The following ERBB4 variants were observed in gnomAD, a reference collection of about 807,000 sequenced individuals.
ERBB4 encodes erb-b2 receptor tyrosine kinase 4, also known as receptor tyrosine-protein kinase erbB-4.
ERBB4 carries 42 observed loss-of-function variants against 158.0 expected under a neutral mutation model. The ratio of observed to expected loss-of-function variants is 0.27; its 90% CI spans 0.21 to 0.34. The LOEUF is 0.34. ERBB4 is among the 10% of genes least tolerant of loss of function. ERBB4 has a pLI of 1.00. For missense variants in ERBB4, 1,333 were observed against 1,624.1 expected (o/e 0.82, Z 3.08); for synonymous variants, 583 against 558.7 (o/e 1.04, Z -0.61).
chr2:212,481,585 C>A (rs945301771), intron 1 of ERBB4, among the ~76,000 whole-genome samples: 1 of 152,160 alleles, frequency 6.6e-6, no homozygotes, highest in Non-Finnish European at 1.5e-5. Flanking sequence ...ACCCCTTGAG[C>A]TCCAATCTTT....
rs373403047 is a variant in ERBB4, at chr2:211,803,241, A to G, written c.422-15082T>C. On this transcript the variant is annotated intron_variant, in intron 3 of 27. Coordinates refer to ENST00000342788, the MANE Select transcript of ERBB4 (RefSeq NM_005235.3). The stretch of plus-strand genomic sequence containing the variant: ...TCAAAGAAAAGTCCATCCAAGCAAC[A>G]TTATTATTCATTTTCAATAGATTTT... Among the ~76,000 whole-genome samples, 12 of 152,330 alleles carry G rather than the reference A, an allele frequency of 7.9e-5. No individual in the cohort carries two copies. In the East Asian group the frequency reaches 9.7e-4, roughly 12 times the overall value.
chr2:212,080,849 A>G (rs1217486909), intron 2 of ERBB4, among the ~76,000 whole-genome samples: 1 of 152,116 alleles, frequency 6.6e-6, no homozygotes, highest in South Asian at 2.1e-4. Flanking sequence ...ATTGTGCCAT[A>G]TGGAAAACAT....
chr2:212,286,767 A>ATTTTTTTTTTTTT (rs748586400), intron 1 of ERBB4, among the ~76,000 whole-genome samples: 6,924 of 39,508 alleles, frequency 0.18, 2,607 homozygotes, highest in Non-Finnish European at 0.22. Context: ...ATGAGGGTTA[A>ATTTTTTTTTTTTT]TTTTTTTTTT....
intron 20 of ERBB4, among the ~76,000 whole-genome samples, chr2:211,514,980 T>C (rs1383417882): frequency 6.6e-6 from 1 of 152,170 alleles, no homozygotes; most frequent in African/African-American, 2.4e-5. Context: ...CATTGAAATA[T>C]ATACAATGTA....
At chr2:211,573,618 C>T (rs946551987) in intron 19 of ERBB4, among the ~76,000 whole-genome samples, 3 of 151,808 alleles carry the variant, frequency 2.0e-5, no homozygotes, top group Admixed American at 6.6e-5. Context: ...TGCAGTGAGC[C>T]GAGATGGTGT....
chr2:212,472,133 T>C (rs1689145031), intron 1 of ERBB4, among the ~76,000 whole-genome samples: 1 of 151,944 alleles, frequency 6.6e-6, no homozygotes, highest in Admixed American at 6.6e-5. Context: ...ATAGTGTTCA[T>C]GCTTCTCAAT....
At chr2:212,519,913 T>G (rs1011344825) in intron 1 of ERBB4, among the ~76,000 whole-genome samples, 7 of 151,940 alleles carry the variant, frequency 4.6e-5, no homozygotes, top group Non-Finnish European at 8.8e-5. Context: ...AAGAGAAAAT[T>G]TTGAGTATTC....
intron 2 of ERBB4, among the ~76,000 whole-genome samples, chr2:212,086,685 A>T (rs1291088763): frequency 2.6e-5 from 4 of 152,030 alleles, no homozygotes; most frequent in Non-Finnish European, 5.9e-5. Context: ...TAAGATTTCA[A>T]ATAAAACTCC....
intron 3 of ERBB4, among the ~76,000 whole-genome samples, chr2:211,925,637 T>C (rs2079999811): frequency 6.6e-6 from 1 of 152,034 alleles, no homozygotes; most frequent in African/African-American, 2.4e-5. Flanking sequence ...CACCTCGGCC[T>C]CCGAAAGTGC....
chr2:211,771,693 T>C (rs1401294770), intron 4 of ERBB4, among the ~76,000 whole-genome samples: 1 of 152,260 alleles, frequency 6.6e-6, no homozygotes, highest in Non-Finnish European at 1.5e-5. Context: ...GCTAAAGTGA[T>C]TGTTCTTTCT....
chr2:211,956,354 G>A (rs986962434), intron 2 of ERBB4, among the ~76,000 whole-genome samples: 10 of 151,964 alleles, frequency 6.6e-5, no homozygotes, highest in Non-Finnish European at 1.2e-4. Context: ...CGGCACTTTC[G>A]TACAACTGAA....
intron 3 of ERBB4, among the ~76,000 whole-genome samples, chr2:211,888,547 C>A (rs1427514695): frequency 6.6e-6 from 1 of 152,110 alleles, no homozygotes; most frequent in Non-Finnish European, 1.5e-5. Context: ...GGGGAGGAGC[C>A]AAGATGGCTG....
chr2:212,054,282 A>G (rs1340046045), intron 2 of ERBB4, among the ~76,000 whole-genome samples: 1 of 152,206 alleles, frequency 6.6e-6, no homozygotes, highest in Non-Finnish European at 1.5e-5. Context: ...TGTGGTGGAA[A>G]CAGCCTGCCT....
chr2:212,315,679 A>G (rs1186663831), intron 1 of ERBB4, among the ~76,000 whole-genome samples: 1 of 151,290 alleles, frequency 6.6e-6, no homozygotes, highest in African/African-American at 2.4e-5. Context: ...GGTTTTTTAC[A>G]TGGTCTGTGT....
intron 2 of ERBB4, among the ~76,000 whole-genome samples, chr2:212,123,006 T>G (rs1206543306): frequency 6.6e-6 from 1 of 152,240 alleles, no homozygotes; most frequent in Non-Finnish European, 1.5e-5. Flanking sequence ...TTCAGCTTTC[T>G]TTGTTAGTTT....
At chr2:212,057,958 C>CA (rs1449371205) in intron 2 of ERBB4, among the ~76,000 whole-genome samples, 5 of 151,884 alleles carry the variant, frequency 3.3e-5, no homozygotes, top group Non-Finnish European at 7.4e-5. Context: ...GATAGAGACA[C>CA]AAAAAACCCT....
chr2:211,574,322 C>G (rs1050350819), intron 19 of ERBB4, among the ~76,000 whole-genome samples: 2 of 152,080 alleles, frequency 1.3e-5, no homozygotes, highest in African/African-American at 4.8e-5. Context: ...AACATATAAC[C>G]ATGAAGAGTT....
intron 1 of ERBB4, among the ~76,000 whole-genome samples, chr2:212,428,857 G>C (rs1031075413): frequency 1.3e-5 from 2 of 152,126 alleles, no homozygotes; most frequent in African/African-American, 4.8e-5. Flanking sequence ...AGGCATAACA[G>C]ATAGAGGGAT....
intron 2 of ERBB4, among the ~76,000 whole-genome samples, chr2:212,093,636 A>G (rs1326662523): frequency 6.6e-6 from 1 of 152,246 alleles, no homozygotes; most frequent in Non-Finnish European, 1.5e-5. Flanking sequence ...CAATTTATCC[A>G]ACATTGTCGT....
Sources: allele counts gnomAD v4.1 joint callset (sites outside exome capture counted in the v4.1 genomes callset), GRCh38; gene constraint gnomAD v4.1.1; transcripts MANE v1.5; gene names NCBI Gene and HGNC (gene_info 2026-07-23, HGNC 2026-07-21).